ABCD3: variants seen among roughly 807,000 people sequenced by gnomAD.
ABCD3 encodes ATP-binding cassette sub-family D member 3.
A neutral mutation model predicts 105.5 loss-of-function variants in ABCD3; 41 were observed. The observed-to-expected ratio is 0.39, with a 90% confidence interval of 0.30 to 0.50. The LOEUF (loss-of-function observed/expected upper bound fraction) is 0.50, where lower values mean the gene tolerates loss of function less well. ABCD3 is among the 20% of genes least tolerant of loss of function. The pLI, the probability that ABCD3 is intolerant of heterozygous loss-of-function variation, is 0.84. For missense variants in ABCD3, 622 were observed against 806.3 expected (o/e 0.77, Z 2.77); for synonymous variants, 258 against 269.0 (o/e 0.96, Z 0.40).
chr1:94,463,856 C>T (rs1350210249), intron 2 of ABCD3, among the ~76,000 whole-genome samples: 1 of 152,154 alleles, frequency 6.6e-6, no homozygotes, highest in East Asian at 1.9e-4. Context: ...GCCCTGCCTA[C>T]CTTTTAAACT....
At chr1:94,484,625 G>A (rs1019948384) in intron 10 of ABCD3, among the ~76,000 whole-genome samples, 2 of 152,134 alleles carry the variant, frequency 1.3e-5, no homozygotes, top group African/African-American at 2.4e-5. Flanking sequence ...ACCACACACC[G>A]GGGCCTGTTG....
At chr1:94,418,858 C>A in intron 1 of ABCD3, 1 of 525,312 alleles carries the variant, frequency 1.9e-6, no homozygotes, top group Non-Finnish European at 3.4e-6. Context: ...CCAGCCAGCA[C>A]TCAGGCAGCG....
intron 1 of ABCD3, among the ~76,000 whole-genome samples, chr1:94,445,667 C>T (rs1051735910): frequency 4.6e-5 from 7 of 152,070 alleles, no homozygotes; most frequent in Non-Finnish European, 1.0e-4. Context: ...GGACACTGGG[C>T]GAAAAGTAGT....
chr1:94,500,230 G>A lies in ABCD3; in HGVS notation c.1740+616G>A, dbSNP rs150800133. On this transcript the variant is annotated intron_variant, in intron 20 of 22. Transcript: ENST00000370214. ...ACCAAAAATATGCGCTAAACACTAC[G>A]TAGTAAGAATGAGACCAGCCTGGGC... 3.9e-3 allele frequency among the ~76,000 whole-genome samples: 590 copies of A among 152,020 alleles called. 6 individuals are homozygous for A. The highest frequency in any genetic ancestry group is 9.2e-3 in the African/African-American group (380 of 41,480).
chr1:94,495,549 CT>C (rs1355209398), intron 16 of ABCD3, among the ~76,000 whole-genome samples: 10 of 152,152 alleles, frequency 6.6e-5, no homozygotes, highest in African/African-American at 2.4e-4. Flanking sequence ...AAAGTGAATG[CT>C]GAGTAGGTTA....
chr1:94,457,371 CTTTTTAGTCT>C (rs1570769489), intron 1 of ABCD3, among the ~76,000 whole-genome samples: 3 of 152,080 alleles, frequency 2.0e-5, no homozygotes, highest in African/African-American at 7.2e-5. Flanking sequence ...TTAAGTTTGG[CTTTTTAGTCT>C]TGTTTGGTGT....
chr1:94,512,108 C>T lies in ABCD3; in HGVS notation c.1846-3038C>T, dbSNP rs370386917. On this transcript the variant is annotated intron_variant, in intron 21 of 22. Transcript: ENST00000370214. ...TCCAGTTTTTCTGCTCTGTTTTTTCCCCATCTTTGTGGTTTTATCTACTTT... is the reference window on the plus strand; with the variant it reads ...TCCAGTTTTTCTGCTCTGTTTTTTCTCCATCTTTGTGGTTTTATCTACTTT... 5.9e-5 allele frequency among the ~76,000 whole-genome samples: 9 copies of T among 152,044 alleles called. No homozygotes were observed. The East Asian group carries it at 1.2e-3, about 20-fold the overall frequency.
chr1:94,418,855 G>A (rs957759702), intron 1 of ABCD3: 8 of 527,408 alleles, frequency 1.5e-5, no homozygotes, highest in Non-Finnish European at 2.7e-5. Context: ...CGCCCAGCCA[G>A]CACTCAGGCA....
intron 1 of ABCD3, among the ~76,000 whole-genome samples, chr1:94,441,340 A>G (rs752754417): frequency 6.6e-6 from 1 of 152,224 alleles, no homozygotes; most frequent in African/African-American, 2.4e-5. Context: ...GCAAAAACTT[A>G]AAAATGCAAC....
the ABCD3 span, chr1:94,406,456 CA>C: frequency 6.1e-5 from 24 of 390,502 alleles, no homozygotes; most frequent in Non-Finnish European, 9.2e-5. Flanking sequence ...GTTTTTCTCA[CA>C]AAGTGTGCTT....
the ABCD3 span, among the ~76,000 whole-genome samples, chr1:94,403,367 T>C: frequency 6.6e-6 from 1 of 152,170 alleles, no homozygotes; most frequent in South Asian, 2.1e-4. Context: ...AAAATGACTA[T>C]GTTTTCTCCA....
intron 1 of ABCD3, among the ~76,000 whole-genome samples, chr1:94,454,462 T>C (rs1647443213): frequency 6.6e-6 from 1 of 152,054 alleles, no homozygotes; most frequent in East Asian, 1.9e-4. Context: ...AGATACCTTA[T>C]TAAAAATCAG....
At chr1:94,483,602 G>A (rs993451483) in intron 10 of ABCD3, among the ~76,000 whole-genome samples, 6 of 152,230 alleles carry the variant, frequency 3.9e-5, no homozygotes, top group Admixed American at 2.0e-4. Flanking sequence ...GTAGAAAGCT[G>A]AAACTGGATC....
chr1:94,431,903 A>G (rs1659697851), intron 1 of ABCD3, among the ~76,000 whole-genome samples: 1 of 152,332 alleles, frequency 6.6e-6, no homozygotes, highest in African/African-American at 2.4e-5. Context: ...TACCCCATCA[A>G]CAGTGCCCAA....
At chr1:94,423,913 G>T (rs191389669) in intron 1 of ABCD3, among the ~76,000 whole-genome samples, 83 of 152,222 alleles carry the variant, frequency 5.5e-4, no homozygotes, top group East Asian at 4.2e-3. Flanking sequence ...TCTAGAAGGG[G>T]CTGGCTTCAC....
intron 20 of ABCD3, among the ~76,000 whole-genome samples, chr1:94,501,663 G>A (rs1650105416): frequency 6.6e-6 from 1 of 152,044 alleles, no homozygotes. Context: ...CACAATTTGG[G>A]ATATCTTGTG....
intron 8 of ABCD3, chr1:94,478,850 T>C: frequency 3.6e-6 from 1 of 278,142 alleles, no homozygotes; most frequent in Non-Finnish European, 6.2e-6. Flanking sequence ...AAGAATATTT[T>C]ATAATGTAAA....
Position 94,489,795 on chromosome 1 carries a change from A to G in ABCD3, c.1228A>G (p.Met410Val), listed in dbSNP as rs548889509. The G allele has an allele frequency of 8.1e-6, 13 of 1,613,266 alleles. No individual in the cohort carries two copies. In the Admixed American group the frequency reaches 1.2e-4, roughly 14 times the overall value. The change falls in exon 14 of 23, where the codon ATG becomes GTG. Residue 410 changes from methionine to valine, a missense_variant. Physicochemically the swap from Met to Val is conservative, Grantham distance 21. Coordinates refer to ENST00000370214, the MANE Select transcript of ABCD3 (RefSeq NM_002858.4). ...DLNHGKYERT[M>V]VSQQEKGIEG... is the part of the protein sequence containing the mutation. ...AAATCATGGCAAATATGAGCGCACA[A>G]TGGTCTCACAACAGGAAAAGGGTAA...
rs1648708213 is a variant in ABCD3, at chr1:94,475,748, C to T, written c.627+11C>T. 6.3e-7 allele frequency: 1 copy of T among 1,592,008 alleles called. No individual in the cohort carries two copies. The highest frequency in any genetic ancestry group is 8.6e-7 in the Non-Finnish European group (1 of 1,161,738). ...TCAAATCTTAGTAAGGTAAGTTTCT[C>T]TCCTTTTTAAAAGATTATTTGTTTA... On this transcript the variant is annotated intron_variant, in intron 7 of 22. Coordinates refer to ENST00000370214, the MANE Select transcript of ABCD3 (RefSeq NM_002858.4).
Sources: gnomAD v4.1 joint callset for allele counts (sites outside exome capture counted in the v4.1 genomes callset) on GRCh38, gnomAD v4.1.1 for gene constraint, MANE v1.5 for transcripts, NCBI Gene and HGNC (gene_info 2026-07-23, HGNC 2026-07-21) for gene names.